Variants in KMO observed in about 807,000 individuals in gnomAD.
KMO encodes kynurenine 3-hydroxylase.
KMO carries 24 observed loss-of-function variants against 57.8 expected under a neutral mutation model. The ratio of observed to expected loss-of-function variants is 0.42; its 90% confidence interval spans 0.30 to 0.58. KMO has a LOEUF of 0.58. KMO is among the 20% of genes least tolerant of loss of function. KMO has a pLI of 0.22. For synonymous variants in KMO, 210 were observed against 193.6 expected, an observed-to-expected ratio of 1.08 and a Z score of -0.70; for missense variants, 483 against 588.2, an observed-to-expected ratio of 0.82 and a Z score of 1.85.
intron 2 of KMO, among the ~76,000 whole-genome samples, chr1:241,549,130 C>T (rs949209701): frequency 1.3e-5 from 2 of 150,428 alleles, no homozygotes; most frequent in African/African-American, 4.9e-5. Context: ...GATCATGCCA[C>T]TGTGCTCCAG....
chr1:241,571,260 A>T (rs1247814941), intron 10 of KMO, among the ~76,000 whole-genome samples: 1 of 151,886 alleles, frequency 6.6e-6, no homozygotes, highest in Non-Finnish European at 1.5e-5. Context: ...TCCAATTTGG[A>T]TGTTCTTTAT....
intron 10 of KMO, among the ~76,000 whole-genome samples, chr1:241,579,830 T>C (rs898022385): frequency 1.3e-5 from 2 of 152,164 alleles, no homozygotes; most frequent in Admixed American, 6.5e-5. Flanking sequence ...CAGATTTTAG[T>C]TGGGAGCTTC....
chr1:241,539,811 G>A (rs571900031), intron 1 of KMO, among the ~76,000 whole-genome samples: 197 of 152,216 alleles, frequency 1.3e-3, no homozygotes, highest in African/African-American at 4.5e-3. Context: ...TGTGGAGCTC[G>A]GAATTGGCCA....
chr1:241,549,797 A>G (rs891691887), intron 3 of KMO, 23 bp downstream of exon 3: 10 of 1,375,894 alleles, frequency 7.3e-6, no homozygotes, highest in Non-Finnish European at 5.2e-6. Context: ...TCTTTCTTAC[A>G]GAAGATAATA....
chr1:241,541,907 TCAGAAA>T (rs1660971587), intron 1 of KMO, among the ~76,000 whole-genome samples: 1 of 152,186 alleles, frequency 6.6e-6, no homozygotes. Flanking sequence ...GACAGAAAAC[TCAGAAA>T]CATTCATGAT....
At chr1:241,555,718 C>T in intron 5 of KMO, 58 bp downstream of exon 5, 1 of 997,844 alleles carries the variant, frequency 1.0e-6, no homozygotes, top group Non-Finnish European at 1.6e-6. Context: ...TGACACTAAT[C>T]TTGTCATATG....
At chr1:241,550,741 G>T (rs1301802295) in intron 3 of KMO, among the ~76,000 whole-genome samples, 1 of 151,846 alleles carries the variant, frequency 6.6e-6, no homozygotes. Context: ...ATTTTAAGCC[G>T]GTTCTAAGAT....
At chr1:241,541,867 A>G (rs1660970138) in intron 1 of KMO, among the ~76,000 whole-genome samples, 1 of 152,148 alleles carries the variant, frequency 6.6e-6, no homozygotes, top group Non-Finnish European at 1.5e-5. Flanking sequence ...GGATTTCAAC[A>G]CTATTAACAA....
In KMO at chr1:241,568,521, C is replaced by T; in HGVS notation, c.831C>T (p.Phe277=). The change falls in exon 10 of 15, where the codon TTC becomes TTT. Residue 277 remains phenylalanine (F), a synonymous_variant. Transcript: ENST00000366559. ...GAAGGAAACTCCTAGTGCAAGATTT[C>T]TTCCTGTTGCCTGCCCAGCCCATGA... ...LIGEKLLVQD[F]FLLPAQPMIS... 1 of 1,613,836 alleles carries T rather than the reference C, an allele frequency of 6.2e-7. No individual in the cohort carries two copies. The highest frequency in any genetic ancestry group is 1.7e-4 in the Middle Eastern group (1 of 6,060).
intron 6 of KMO, among the ~76,000 whole-genome samples, chr1:241,561,491 C>T (rs1225700024): frequency 6.6e-6 from 1 of 152,178 alleles, no homozygotes; most frequent in Non-Finnish European, 1.5e-5. Context: ...AGTCTGTCTT[C>T]CTCCTTCTAG....
chr1:241,594,020 CAA>C lies in KMO; in HGVS notation c.*1874_*1875del, dbSNP rs1221468383. 1 of 174,264 alleles carries C rather than the reference CAA, an allele frequency of 5.7e-6. No homozygotes were observed. Among genetic ancestry groups the C allele is most frequent in the Admixed American group, 5.7e-5 (1 of 17,402 alleles). The allele number at this position is 174,264 out of a possible 1,614,324, so 10.8% of individuals were successfully genotyped here. On this transcript the variant is annotated 3_prime_UTR_variant, in exon 15 of 15. Coordinates refer to ENST00000366559, the MANE Select transcript of KMO (RefSeq NM_003679.5). ...TGACACTGAATAGAGTCCAACAGTA[CAA>C]AAAAAATTCAGTATGTTCTAGCTAC...
intron 1 of KMO, among the ~76,000 whole-genome samples, chr1:241,546,373 G>A (rs894757140): frequency 6.6e-5 from 10 of 152,210 alleles, no homozygotes; most frequent in African/African-American, 1.4e-4. Flanking sequence ...ATCTCTCTGC[G>A]TCTCCTTTTC....
chr1:241,564,239 T>A (rs970136048), intron 7 of KMO, among the ~76,000 whole-genome samples: 1 of 152,216 alleles, frequency 6.6e-6, no homozygotes, highest in Non-Finnish European at 1.5e-5. Flanking sequence ...TAGAAAATAA[T>A]ACAAATATGA....
chr1:241,535,461 G>T (rs551003195), intron 1 of KMO, among the ~76,000 whole-genome samples: 1 of 152,212 alleles, frequency 6.6e-6, no homozygotes, highest in South Asian at 2.1e-4. Context: ...CTTGCCTAAT[G>T]AAAAGTCACC....
At chr1:241,547,228 A>C (rs1661182736) in intron 1 of KMO, among the ~76,000 whole-genome samples, 1 of 152,240 alleles carries the variant, frequency 6.6e-6, no homozygotes, top group South Asian at 2.1e-4. Context: ...TTGTAATTGC[A>C]TTAAAAATAA....
At position 241,560,761 on chromosome 1, in the gene KMO, G is replaced by A. The variant is rs756396257; in HGVS notation, c.449+9G>A. ...ATGATCACAGTGCTTGGGTAACTACGGGTCAGGTTTTGGACTTCAGAGGTG... is the reference window on the plus strand; with the variant it reads ...ATGATCACAGTGCTTGGGTAACTACAGGTCAGGTTTTGGACTTCAGAGGTG... On this transcript the variant is annotated intron_variant, in intron 6 of 14. Transcript: ENST00000366559. 1.2e-5 allele frequency: 19 copies of A among 1,602,318 alleles called. No homozygotes were observed. The highest frequency in any genetic ancestry group is 2.7e-5 in the African/African-American group (2 of 74,658).
chr1:241,590,296 TGTG>T (rs1420105657), intron 14 of KMO, 33 bp downstream of exon 14: 5 of 1,510,246 alleles, frequency 3.3e-6, no homozygotes, highest in Non-Finnish European at 4.6e-6. Context: ...TATTTTTTAA[TGTG>T]GTGTTTTGAA....
intron 5 of KMO, among the ~76,000 whole-genome samples, chr1:241,557,425 T>C (rs574812144): frequency 1.2e-4 from 18 of 152,224 alleles, no homozygotes; most frequent in Non-Finnish European, 2.4e-4. Context: ...GTACATGATT[T>C]ATCTTTGTTT....
At position 241,593,732 on chromosome 1, in the gene KMO, G is replaced by A. The variant is rs1459427899; in HGVS notation, c.*1579G>A. 6.5e-6 allele frequency: 1 copy of A among 154,834 alleles called. No homozygotes were observed. The highest frequency in any genetic ancestry group is 6.4e-5 in the Admixed American group (1 of 15,734). The allele number at this position is 154,834 out of a possible 1,614,324, so 9.6% of individuals were successfully genotyped here. A position where few individuals can be genotyped will look rare whatever the true frequency, so the allele number is the denominator to read the frequency against. On this transcript the variant is annotated 3_prime_UTR_variant, in exon 15 of 15. Transcript: ENST00000366559. The stretch of plus-strand genomic sequence containing the variant: ...CCCTGGCTTATATAGCATCGACAAA[G>A]AACAGTAAATTTTTAGAGAAACAAC...
Sources: allele counts gnomAD v4.1 joint callset (sites outside exome capture counted in the v4.1 genomes callset), GRCh38; gene constraint gnomAD v4.1.1; transcripts MANE v1.5; gene names NCBI Gene and HGNC (gene_info 2026-07-23, HGNC 2026-07-21).